The following ADGRF5 variants were observed in gnomAD, a reference collection of about 807,000 sequenced individuals.
ADGRF5 encodes G-protein coupled receptor 116.
In ADGRF5, 75 loss-of-function variants were observed where a neutral mutation model predicts 132.3. The ratio of observed to expected loss-of-function variants is 0.57; its 90% CI spans 0.47 to 0.69. The LOEUF (loss-of-function observed/expected upper bound fraction) is 0.69. Ranked by LOEUF, ADGRF5 falls within the 30% of genes least tolerant of loss-of-function variation. The pLI, the probability that ADGRF5 is intolerant of heterozygous loss-of-function variation, is 0.00. For missense variants in ADGRF5, 1,516 were observed against 1,630.6 expected (o/e 0.93, Z 1.21); for synonymous variants, 629 against 597.6 (o/e 1.05, Z -0.77).
chr6:46,920,043 G>A (rs1776779178), intron 1 of ADGRF5, among the ~76,000 whole-genome samples: 1 of 152,146 alleles, frequency 6.6e-6, no homozygotes, highest in Non-Finnish European at 1.5e-5. Context: ...ATTATCCACT[G>A]AATAAAAGGG....
chr6:46,882,923 G>A (rs1422979090), intron 6 of ADGRF5, among the ~76,000 whole-genome samples: 2 of 152,156 alleles, frequency 1.3e-5, no homozygotes, highest in Admixed American at 1.3e-4. Context: ...GCTGCCAGGA[G>A]AAGGGAAGTC....
chr6:46,880,289 C>T lies in ADGRF5; in HGVS notation c.815-250G>A, dbSNP rs576832155. On this transcript the variant is annotated intron_variant, in intron 8 of 20. Transcript: ENST00000283296. ...TGTTTGCCCTATGGCTCCTTAACGG[C>T]AGTAATGGAGATTTTAAAGCTATTT... 1.2e-4 allele frequency among the ~76,000 whole-genome samples: 18 copies of T among 151,706 alleles called. 1 individual carries two copies. In the East Asian group the frequency reaches 3.3e-3, roughly 28 times the overall value.
At chr6:46,860,969 G>A (rs951251276) in intron 15 of ADGRF5, 75 bp from the exon 16 acceptor site, 41 of 1,163,732 alleles carry the variant, frequency 3.5e-5, no homozygotes, top group African/African-American at 4.6e-5. Context: ...ATCCATTCCT[G>A]GCAAAATCTC....
chr6:46,881,912 G>A, intron 7 of ADGRF5, 137 bp downstream of exon 7: 1 of 747,626 alleles, frequency 1.3e-6, no homozygotes, highest in South Asian at 1.5e-5. Context: ...TAAGGGGTGA[G>A]GTACTTTTTT....
At chr6:46,876,349 G>C (rs1361196777) in intron 10 of ADGRF5, among the ~76,000 whole-genome samples, 4 of 152,148 alleles carry the variant, frequency 2.6e-5, no homozygotes, top group African/African-American at 4.8e-5. Flanking sequence ...TTCACCTTTC[G>C]GGGTTGAAAG....
At chr6:46,868,155 G>C (rs978249243) in intron 12 of ADGRF5, among the ~76,000 whole-genome samples, 2 of 152,168 alleles carry the variant, frequency 1.3e-5, no homozygotes, top group Non-Finnish European at 2.9e-5. Context: ...GCTTTAGAGT[G>C]GGGTGGCTAA....
chr6:46,900,354 A>C (rs1050782741), intron 2 of ADGRF5, among the ~76,000 whole-genome samples: 1 of 152,168 alleles, frequency 6.6e-6, no homozygotes, highest in Admixed American at 6.5e-5. Context: ...TGACTTTCTC[A>C]GAGTTCCTGC....
Position 46,878,360 on chromosome 6 carries a change from C to T in ADGRF5, c.1082G>A (p.Cys361Tyr). 1.9e-6 allele frequency: 3 copies of T among 1,612,272 alleles called. No homozygotes were observed. The highest frequency in any genetic ancestry group is 2.5e-6 in the Non-Finnish European group (3 of 1,178,484). ...GGGCATAACATCTATTTTCTTCTTGCACTCATATTCAAAAATGTCTAATAT... is the reference window on the plus strand; with the variant it reads ...GGGCATAACATCTATTTTCTTCTTGTACTCATATTCAAAAATGTCTAATAT... ...KLILDIFEYE[C>Y]KKKIDVMPIQ... is the part of the protein sequence containing the mutation. Residue 361 changes from cysteine (C) to tyrosine (Y), a missense_variant, in exon 10 of 21, where the codon TGC becomes TAC. Coordinates refer to ENST00000283296, the MANE Select transcript of ADGRF5 (RefSeq NM_001098518.2).
chr6:46,941,643 A>C (rs1348490683), intron 1 of ADGRF5, among the ~76,000 whole-genome samples: 3 of 151,110 alleles, frequency 2.0e-5, no homozygotes, highest in Non-Finnish European at 4.4e-5. Context: ...ACTGAGATAG[A>C]GCATGGTTTT....
chr6:46,927,483 C>T (rs1015986459), intron 1 of ADGRF5, among the ~76,000 whole-genome samples: 1 of 152,156 alleles, frequency 6.6e-6, no homozygotes, highest in South Asian at 2.1e-4. Flanking sequence ...CCAGCCCCCA[C>T]CAACACATGC....
At chr6:46,859,897 C>T (rs1375619912) in intron 16 of ADGRF5, among the ~76,000 whole-genome samples, 1 of 151,316 alleles carries the variant, frequency 6.6e-6, no homozygotes, top group Admixed American at 6.6e-5. Flanking sequence ...ACCATGTTGG[C>T]CAGGCTGGTT....
upstream of ADGRF5, among the ~76,000 whole-genome samples, chr6:46,925,123 T>A (rs1379868896): frequency 6.6e-6 from 1 of 152,246 alleles, no homozygotes; most frequent in Non-Finnish European, 1.5e-5. Flanking sequence ...GAGACCTTCA[T>A]GATCTGCACC....
At chr6:46,855,797 C>G (rs577768061) in intron 20 of ADGRF5, among the ~76,000 whole-genome samples, 177 bp downstream of exon 20, 156 of 152,286 alleles carry the variant, frequency 1.0e-3, no homozygotes, top group Non-Finnish European at 1.8e-3. Flanking sequence ...CAGCTGCCCT[C>G]TGTACCCACT....
At chr6:46,932,667 G>T (rs1014572543) in intron 1 of ADGRF5, among the ~76,000 whole-genome samples, 2 of 152,052 alleles carry the variant, frequency 1.3e-5, no homozygotes, top group African/African-American at 4.8e-5. Flanking sequence ...ACAATAGAAG[G>T]GTGACATCGC....
chr6:46,856,665 A>G, intron 19 of ADGRF5, 53 bp downstream of exon 19: 1 of 1,025,284 alleles, frequency 9.8e-7, no homozygotes, highest in Non-Finnish European at 1.5e-6. Flanking sequence ...TCAGAATGCT[A>G]GTGGAATACA....
intron 1 of ADGRF5, among the ~76,000 whole-genome samples, chr6:46,934,748 A>C (rs1182159721): frequency 6.6e-6 from 1 of 152,174 alleles, no homozygotes. Context: ...TTACTCTTGG[A>C]ACAAACATAT....
At chr6:46,881,327 T>G in intron 8 of ADGRF5, 128 bp downstream of exon 8, 1 of 721,564 alleles carries the variant, frequency 1.4e-6, no homozygotes, top group Non-Finnish European at 2.4e-6. Context: ...GAGGAGGAGG[T>G]GGTACAGAAC....
intron 10 of ADGRF5, among the ~76,000 whole-genome samples, chr6:46,877,771 G>A (rs1371544558): frequency 6.6e-6 from 1 of 152,136 alleles, no homozygotes. Flanking sequence ...TACAAAGGCA[G>A]AGAAGTGAGA....
chr6:46,928,877 C>A (rs1457246336), intron 1 of ADGRF5, among the ~76,000 whole-genome samples: 4 of 152,166 alleles, frequency 2.6e-5, no homozygotes, highest in South Asian at 2.1e-4. Flanking sequence ...AATAGGAACA[C>A]TTTTACACTG....
Sources: allele counts gnomAD v4.1 joint callset (sites outside exome capture counted in the v4.1 genomes callset), GRCh38; gene constraint gnomAD v4.1.1; transcripts MANE v1.5; gene names NCBI Gene and HGNC (gene_info 2026-07-23, HGNC 2026-07-21).